NARS1: variants seen among roughly 807,000 people sequenced by gnomAD.
NARS1 encodes the protein asparaginyl-tRNA synthetase 1.
In NARS1, 65 loss-of-function variants were observed where a neutral mutation model predicts 79.2. The ratio of observed to expected loss-of-function variants is 0.82; its 90% CI spans 0.67 to 1.01. The LOEUF (loss-of-function observed/expected upper bound fraction) is 1.01. Among genes scored for constraint, NARS1 ranks in the 50% least tolerant of loss-of-function variants. The pLI, the probability that NARS1 is intolerant of heterozygous loss-of-function variation, is 0.00. For missense variants in NARS1, 649 were observed against 673.8 expected (o/e 0.96, Z 0.41); for synonymous variants, 229 against 238.8 (o/e 0.96, Z 0.38).
rs145038520 is a variant in NARS1 at position 57,606,760 on chromosome 18, C to T, written c.1002-9G>A. On this transcript the variant is annotated splice_polypyrimidine_tract_variant and intron_variant, in intron 9 of 13. Transcript: ENST00000256854. ...CTTCCACGTGAGTGTACCTGAAGAA[C>T]GAGACAATAGCTCAGCACTGCTTTT... 6.9e-5 allele frequency: 112 copies of T among 1,613,894 alleles called. No homozygotes were observed. The highest frequency in any genetic ancestry group is 8.8e-5 in the Non-Finnish European group (104 of 1,179,938).
At position 57,607,601 on chromosome 18, in the gene NARS1, C is replaced by T; in HGVS notation, c.644G>A (p.Gly215Glu). Residue 215 changes from glycine to glutamate, a missense_variant, in exon 8 of 14, where the codon GGA becomes GAA. Gly to Glu is a moderately conservative substitution (Grantham distance 98, BLOSUM62 -2). Transcript: ENST00000256854. ...CTCCTCATTGATCAGGTTGTCAGCT[C>T]CTCCAGCAGGGGCCAACCCAATTAG... ...WELIGLAPAG[G>E]ADNLINEESD... 1 of 1,614,118 alleles carries T rather than the reference C, an allele frequency of 6.2e-7. No individual in the cohort carries two copies. Among genetic ancestry groups the T allele is most frequent in the Non-Finnish European group, 8.5e-7 (1 of 1,180,030 alleles).
At chr18:57,621,573 CCT>C in intron 1 of NARS1, 133 bp downstream of exon 1, 6 of 528,470 alleles carry the variant, frequency 1.1e-5, no homozygotes, top group Admixed American at 2.3e-5. Context: ...TCCCTCCCTC[CCT>C]CCCTGCAATC....
intron 11 of NARS1, among the ~76,000 whole-genome samples, chr18:57,604,014 G>A (rs756958511): frequency 5.3e-5 from 8 of 152,134 alleles, no homozygotes; most frequent in African/African-American, 9.7e-5. Flanking sequence ...ATTTAGCTCC[G>A]GTAGTCCCCA....
chr18:57,607,609 AG>A lies in NARS1; in HGVS notation c.635del (p.Pro212LeufsTer8). 6.2e-7 allele frequency: 1 copy of A among 1,614,172 alleles called. No individual in the cohort carries two copies. Among genetic ancestry groups the A allele is most frequent in the Non-Finnish European group, 8.5e-7 (1 of 1,180,032 alleles). On this transcript the variant is annotated frameshift_variant, in exon 8 of 14. Coordinates refer to ENST00000256854, the MANE Select transcript of NARS1 (RefSeq NM_004539.4). LOFTEE classifies it high-confidence loss of function. ...TGATCAGGTTGTCAGCTCCTCCAGC[AG>A]GGGCCAACCCAATTAGTTCCCAGAA... Reference protein sequence around the residue: ...CDFWELIGLAPAGGADNLINE... With the variant: ...CDFWELIGLAXAGGADNLINE...
At position 57,607,510 on chromosome 18, in the gene NARS1, G is replaced by T. The variant is rs1235851061; in HGVS notation, c.735C>A (p.Ile245=). ...TGGTGACCATGGATCGTGCTTTTAGGATTTTGGACATGTTTTCTCCTCGGA... is the reference window on the plus strand; with the variant it reads ...TGGTGACCATGGATCGTGCTTTTAGTATTTTGGACATGTTTTCTCCTCGGA... ...MMIRGENMSK[I]LKARSMVTRC... Residue 245 remains isoleucine (I), a synonymous_variant, in exon 8 of 14, where the codon ATC becomes ATA. Coordinates refer to ENST00000256854, the MANE Select transcript of NARS1 (RefSeq NM_004539.4). 1.9e-6 allele frequency: 3 copies of T among 1,613,990 alleles called. No individual in the cohort carries two copies. Among genetic ancestry groups the T allele is most frequent in the Non-Finnish European group, 2.5e-6 (3 of 1,180,038 alleles).
intron 13 of NARS1, 147 bp downstream of exon 13, chr18:57,602,208 T>G: frequency 1.4e-6 from 1 of 727,428 alleles, no homozygotes; most frequent in Non-Finnish European, 2.2e-6. Context: ...CTGGCAATAT[T>G]CACACACCAC....
At chr18:57,619,004 A>C (rs898904860) in intron 2 of NARS1, among the ~76,000 whole-genome samples, 2 of 152,242 alleles carry the variant, frequency 1.3e-5, no homozygotes, top group African/African-American at 4.8e-5. Context: ...GAATGCTCCC[A>C]GATTAGGACT....
intron 5 of NARS1, among the ~76,000 whole-genome samples, chr18:57,613,176 G>C (rs2051618819): frequency 6.6e-6 from 1 of 151,392 alleles, no homozygotes; most frequent in Non-Finnish European, 1.5e-5. Flanking sequence ...GCTGGGGGGA[G>C]TTCAAGTCTA....
chr18:57,602,728 G>T, intron 12 of NARS1, 84 bp downstream of exon 12: 1 of 1,453,146 alleles, frequency 6.9e-7, no homozygotes, highest in Non-Finnish European at 9.3e-7. Flanking sequence ...GAAATATTTG[G>T]CATGAGCTGT....
In NARS1 at chr18:57,602,373, A is replaced by G. The variant is rs1027218272; in HGVS notation, c.1497T>C (p.Tyr499=). The G allele has an allele frequency of 6.2e-7, 1 of 1,613,746 alleles. No individual in the cohort carries two copies. Among genetic ancestry groups the G allele is most frequent in the African/African-American group, 1.3e-5 (1 of 74,936 alleles). Residue 499 remains tyrosine, a synonymous_variant, in exon 13 of 14, where the codon TAT becomes TAC. Transcript: ENST00000256854. ...YKREGIDPTP[Y]YWYTDQRKYG... is the part of the protein sequence containing the mutation. The stretch of plus-strand genomic sequence containing the variant: ...GTTTTACCTGATCCGTATACCAGTA[A>G]TAGGGAGTGGGGTCAATCCCTTCCC...
intron 2 of NARS1, among the ~76,000 whole-genome samples, chr18:57,619,055 A>G (rs1261877500): frequency 6.6e-6 from 1 of 152,202 alleles, no homozygotes; most frequent in East Asian, 1.9e-4. Flanking sequence ...TAACAAAAAA[A>G]GGGGATGCAC....
chr18:57,617,635 G>A (rs1186179715), intron 2 of NARS1, among the ~76,000 whole-genome samples: 1 of 150,704 alleles, frequency 6.6e-6, no homozygotes, highest in Non-Finnish European at 1.5e-5. Context: ...AACATTCAAG[G>A]GCTGGGCGTG....
Position 57,601,424 on chromosome 18 carries a change from G to A in NARS1, c.*228C>T, listed in dbSNP as rs1019840504. On this transcript the variant is annotated 3_prime_UTR_variant, in exon 14 of 14. Coordinates refer to ENST00000256854, the MANE Select transcript of NARS1 (RefSeq NM_004539.4). Reference sequence around the variant, plus strand: ...CAGTTTCATGCCAGGTATTTTCCCCGAACTTTGTTTCCCGAACTTAAGAAA... The same window carrying A: ...CAGTTTCATGCCAGGTATTTTCCCCAAACTTTGTTTCCCGAACTTAAGAAA... The A allele has an allele frequency of 1.1e-5, 4 of 371,282 alleles. No homozygotes were observed. Among genetic ancestry groups the A allele is most frequent in the South Asian group, 5.3e-5 (1 of 18,750 alleles). The allele number at this position is 371,282 out of a possible 1,614,324, so 23.0% of individuals were successfully genotyped here. A position where few individuals can be genotyped will look rare whatever the true frequency, so the allele number is the denominator to read the frequency against.
chr18:57,601,878 C>T lies in NARS1; in HGVS notation c.1516-95G>A, dbSNP rs149288866. ...AATTTTCCACCATGAAAGGAGTTAG[C>T]TCACTGTGGTTAAGAATTCAACTAT... On this transcript the variant is annotated intron_variant, in intron 13 of 13. Coordinates refer to ENST00000256854, the MANE Select transcript of NARS1 (RefSeq NM_004539.4). 112 of 1,350,638 alleles carry T rather than the reference C, an allele frequency of 8.3e-5. 1 individual carries two copies. In the African/African-American group the frequency reaches 1.2e-3, roughly 14 times the overall value. 83.7% of individuals were successfully genotyped at this position (1,350,638 alleles called of 1,614,324 possible).
chr18:57,621,419 C>T (rs990465763), intron 1 of NARS1, among the ~76,000 whole-genome samples: 3 of 152,198 alleles, frequency 2.0e-5, no homozygotes, highest in African/African-American at 7.2e-5. Context: ...CGTCCCAGCG[C>T]CTGAGTCTCA....
rs186425134 is a variant in NARS1, at chr18:57,610,353, T to C, written c.493-910A>G. Among the ~76,000 whole-genome samples, 1,160 of 152,244 alleles carry C rather than the reference T, an allele frequency of 7.6e-3. 11 individuals carry two copies. Among genetic ancestry groups the C allele is most frequent in the African/African-American group, 0.024 (979 of 41,538 alleles). On this transcript the variant is annotated intron_variant, in intron 6 of 13. Transcript: ENST00000256854. The stretch of plus-strand genomic sequence containing the variant: ...TGGGTATGGTGGCATGCACCTGTAG[T>C]CCCAGCTACTCGGGAGGCTGAAGCA...
At chr18:57,602,143 C>T (rs1269595376) in intron 13 of NARS1, among the ~76,000 whole-genome samples, 1 of 152,052 alleles carries the variant, frequency 6.6e-6, no homozygotes, top group Non-Finnish European at 1.5e-5. Context: ...ATCAACAAGC[C>T]GGCCGTTAAA....
chr18:57,621,433 C>A (rs911327603), intron 1 of NARS1, among the ~76,000 whole-genome samples: 1 of 152,190 alleles, frequency 6.6e-6, no homozygotes, highest in Non-Finnish European at 1.5e-5. Flanking sequence ...AGTCTCAGCG[C>A]AATCGGGAGG....
Position 57,605,849 on chromosome 18 carries a change from A to T in NARS1, c.1251+8T>A, listed in dbSNP as rs2051550854. 1 of 1,559,846 alleles carries T rather than the reference A, an allele frequency of 6.4e-7. No individual in the cohort carries two copies. Among genetic ancestry groups the T allele is most frequent in the Admixed American group, 1.7e-5 (1 of 58,414 alleles). On this transcript the variant is annotated splice_region_variant and intron_variant, in intron 11 of 13. Transcript: ENST00000256854. ...ACCTTGGAAACAATGAGAGAAAGGG[A>T]TACATACTTCTCCAAATTCATAGAA...
Sources: allele counts gnomAD v4.1 joint callset (sites outside exome capture counted in the v4.1 genomes callset), GRCh38; gene constraint gnomAD v4.1.1; transcripts MANE v1.5; gene names NCBI Gene and HGNC (gene_info 2026-07-23, HGNC 2026-07-21).